Variants in WNT9B observed in about 807,000 individuals in gnomAD.
WNT9B encodes Wnt family member 9B.
A neutral mutation model predicts 30.2 loss-of-function variants in WNT9B; 12 were observed. The observed-to-expected ratio is 0.40, with a 90% CI of 0.26 to 0.64. The LOEUF (loss-of-function observed/expected upper bound fraction) is 0.64, where lower values mean the gene tolerates loss of function less well. Among genes scored for constraint, WNT9B ranks in the 30% least tolerant of loss-of-function variants. WNT9B has a pLI of 0.42. For synonymous variants in WNT9B, 218 were observed against 216.9 expected, an observed-to-expected ratio of 1.01 and a Z score of -0.05; for missense variants, 442 against 485.2, an observed-to-expected ratio of 0.91 and a Z score of 0.84.
chr17:46,837,505 C>T (rs1430095812), intron 1 of WNT9B, among the ~76,000 whole-genome samples: 3 of 152,158 alleles, frequency 2.0e-5, no homozygotes, highest in Non-Finnish European at 4.4e-5. Flanking sequence ...CACTAGAACC[C>T]CATGCAAGAG....
chr17:46,872,794 A>G, intron 2 of WNT9B, 21 bp downstream of exon 2: 2 of 1,331,464 alleles, frequency 1.5e-6, no homozygotes, highest in South Asian at 1.2e-5. Flanking sequence ...GGGCTAGGGG[A>G]CGGGGAGGGC....
intron 1 of WNT9B, among the ~76,000 whole-genome samples, chr17:46,846,176 C>T (rs1033571588): frequency 2.4e-4 from 37 of 152,208 alleles, no homozygotes; most frequent in Admixed American, 1.4e-3. Context: ...TCAAAGCACT[C>T]CTGCTAGTTT....
chr17:46,838,866 T>C (rs2084665217), intron 1 of WNT9B, among the ~76,000 whole-genome samples: 1 of 152,074 alleles, frequency 6.6e-6, no homozygotes, highest in Non-Finnish European at 1.5e-5. Context: ...GGGCTTGTTT[T>C]CTTTTCTAAA....
At chr17:46,852,534 T>A (rs2084871082) in intron 1 of WNT9B, among the ~76,000 whole-genome samples, 1 of 150,496 alleles carries the variant, frequency 6.6e-6, no homozygotes, top group South Asian at 2.1e-4. Flanking sequence ...AGGAACTATG[T>A]GGGGAATGTT....
chr17:46,875,379 C>T lies in WNT9B; in HGVS notation c.600+13C>T. ...CGTGGGCATCAAGGTGAGCATGTCC[C>T]TGGCTGCCCGCAGTGCCTTCCCACC... On this transcript the variant is annotated intron_variant, in intron 3 of 3. Transcript: ENST00000290015. The T allele has an allele frequency of 6.3e-7, 1 of 1,581,212 alleles. No homozygotes were observed. The highest frequency in any genetic ancestry group is 8.6e-7 in the Non-Finnish European group (1 of 1,160,542).
chr17:46,879,325 G>A lies in WNT9B; in HGVS notation c.*2607G>A, dbSNP rs577679355. On this transcript the variant is annotated 3_prime_UTR_variant, in exon 4 of 4. Coordinates refer to ENST00000290015, the MANE Select transcript of WNT9B (RefSeq NM_003396.3). ...TGTATTCCATGACTGGGTCTGTCTC[G>A]GAGCTGGTAAGCACATGTCCGCTCT... is the stretch of plus-strand genomic sequence containing the variant. Among the ~76,000 whole-genome samples the A allele has an allele frequency of 3.4e-4, 52 of 152,208 alleles. No homozygotes were observed. The highest frequency in any genetic ancestry group is 1.3e-3 in the African/African-American group (52 of 41,536).
rs769014104 is a variant in WNT9B, at chr17:46,872,787, C to T, written c.334+14C>T. 11 of 1,415,132 alleles carry T rather than the reference C, an allele frequency of 7.8e-6. No homozygotes were observed. The highest frequency in any genetic ancestry group is 1.8e-5 in the Admixed American group (1 of 54,922). The allele number at this position is 1,415,132 out of a possible 1,614,324, so 87.7% of individuals were successfully genotyped here. ...TGCTCAAGAGAGGTGGGGAGGAGGG[C>T]TAGGGGACGGGGAGGGCTGGGGGAA... On this transcript the variant is annotated intron_variant, in intron 2 of 3. Coordinates refer to ENST00000290015, the MANE Select transcript of WNT9B (RefSeq NM_003396.3).
chr17:46,835,828 A>G (rs1374366646), intron 1 of WNT9B, among the ~76,000 whole-genome samples: 3 of 152,038 alleles, frequency 2.0e-5, no homozygotes, highest in Non-Finnish European at 2.9e-5. Flanking sequence ...TTCACTCCCC[A>G]CCTCTGCACC....
At chr17:46,833,334 T>G (rs1400944164) in exon 1 of WNT9B, 1 of 517,118 alleles carries the variant, frequency 1.9e-6, no homozygotes, top group Non-Finnish European at 3.9e-6. Context: ...TGTTGCTTCT[T>G]GTATCAATTG....
chr17:46,837,148 G>A (rs867597071), intron 1 of WNT9B, among the ~76,000 whole-genome samples: 1 of 152,072 alleles, frequency 6.6e-6, no homozygotes, highest in Non-Finnish European at 1.5e-5. Context: ...TCACCATGTT[G>A]GCCAGGCTGG....
At chr17:46,835,447 G>A (rs1216513645) in intron 1 of WNT9B, among the ~76,000 whole-genome samples, 1 of 152,114 alleles carries the variant, frequency 6.6e-6, no homozygotes, top group Non-Finnish European at 1.5e-5. Context: ...TCCTGACCTC[G>A]TGATCCACCC....
At chr17:46,833,933 TA>T (rs2084589593) in intron 1 of WNT9B, among the ~76,000 whole-genome samples, 1 of 152,172 alleles carries the variant, frequency 6.6e-6, no homozygotes, top group South Asian at 2.1e-4. Flanking sequence ...GAATGGCTCA[TA>T]CCTGTAATCC....
intron 1 of WNT9B, among the ~76,000 whole-genome samples, chr17:46,852,206 C>G (rs1204322141): frequency 6.6e-6 from 1 of 152,228 alleles, no homozygotes; most frequent in Admixed American, 6.5e-5. Flanking sequence ...ATGGGTGGGA[C>G]GGGCTGTTCC....
intron 1 of WNT9B, among the ~76,000 whole-genome samples, chr17:46,855,566 GAA>G (rs1404698280): frequency 6.6e-6 from 1 of 152,218 alleles, no homozygotes; most frequent in East Asian, 1.9e-4. Flanking sequence ...TAGGATTGCT[GAA>G]GAGTTTTTAT....
chr17:46,846,298 A>T (rs1406419037), intron 1 of WNT9B, among the ~76,000 whole-genome samples: 1 of 152,194 alleles, frequency 6.6e-6, no homozygotes, highest in East Asian at 1.9e-4. Flanking sequence ...TCCAATGTTT[A>T]TTCATTCAGT....
chr17:46,878,332 T>C lies in WNT9B; in HGVS notation c.*1614T>C, dbSNP rs1277367278. Reference sequence around the variant, plus strand: ...GCTCAGAAACCTCGCCTGTGCCAGCTCCAGGACAAAGGCCCGCTGACTGTG... The same window carrying C: ...GCTCAGAAACCTCGCCTGTGCCAGCCCCAGGACAAAGGCCCGCTGACTGTG... On this transcript the variant is annotated 3_prime_UTR_variant, in exon 4 of 4. Coordinates refer to ENST00000290015, the MANE Select transcript of WNT9B (RefSeq NM_003396.3). Among the ~76,000 whole-genome samples, 2 of 152,112 alleles carry C rather than the reference T, an allele frequency of 1.3e-5. No individual in the cohort carries two copies. Among genetic ancestry groups the C allele is most frequent in the Non-Finnish European group, 2.9e-5 (2 of 68,034 alleles).
At chr17:46,874,910 A>C in intron 2 of WNT9B, 191 bp from the exon 3 acceptor site, 1 of 845,628 alleles carries the variant, frequency 1.2e-6, no homozygotes, top group Non-Finnish European at 2.0e-6. Flanking sequence ...ACTTGCAGTC[A>C]GAATTTAAGG....
At chr17:46,868,455 G>A (rs1037884925) in intron 1 of WNT9B, among the ~76,000 whole-genome samples, 2 of 152,128 alleles carry the variant, frequency 1.3e-5, no homozygotes, top group African/African-American at 2.4e-5. Context: ...AAATAGCTGG[G>A]CGTGGTGGCA....
intron 1 of WNT9B, among the ~76,000 whole-genome samples, chr17:46,861,290 T>G (rs1022098271): frequency 6.6e-6 from 1 of 152,188 alleles, no homozygotes; most frequent in Non-Finnish European, 1.5e-5. Context: ...GTAGTTTCCT[T>G]TAGTAGAGAC....
Sources: gnomAD v4.1 joint callset for allele counts (sites outside exome capture counted in the v4.1 genomes callset) on GRCh38, gnomAD v4.1.1 for gene constraint, MANE v1.5 for transcripts, NCBI Gene and HGNC (gene_info 2026-07-23, HGNC 2026-07-21) for gene names.